The following SLC22A12 variants were observed in gnomAD, a reference collection of about 807,000 sequenced individuals.
SLC22A12 encodes organic anion transporter 4-like protein.
A neutral mutation model predicts 52.7 loss-of-function variants in SLC22A12; 56 were observed. The ratio of observed to expected loss-of-function variants is 1.06; its 90% CI spans 0.86 to 1.33. The LOEUF (loss-of-function observed/expected upper bound fraction) is 1.33. SLC22A12 is among the 40% of genes most tolerant of loss of function. SLC22A12 has a pLI of 0.00. For missense variants in SLC22A12, 683 were observed against 741.5 expected, an observed-to-expected ratio of 0.92 and a Z score of 0.92; for synonymous variants, 337 against 324.6, an observed-to-expected ratio of 1.04 and a Z score of -0.41.
chr11:64,599,764 G>A lies in SLC22A12; in HGVS notation c.1159G>A (p.Val387Ile), dbSNP rs765129956. The stretch of plus-strand genomic sequence containing the variant: ...CTTCCTGCTCCAAATGTTCATTGGT[G>A]TCGTGGACATCCCAGCCAAGATGGG... ...NIFLLQMFIG[V>I]VDIPAKMGAL... Residue 387 changes from valine (V) to isoleucine (I), a missense_variant, in exon 7 of 10, where the codon GTC becomes ATC. Transcript: ENST00000377574. 13 of 1,612,772 alleles carry A rather than the reference G, an allele frequency of 8.1e-6. No homozygotes were observed. Among genetic ancestry groups the A allele is most frequent in the Non-Finnish European group, 1.1e-5 (13 of 1,179,854 alleles).
chr11:64,599,638 C>T, intron 6 of SLC22A12, 38 bp from the exon 7 acceptor site: 1 of 279,748 alleles, frequency 3.6e-6, no homozygotes. Context: ...CCCCCCCACC[C>T]CCCACCCCCA....
At chr11:64,597,622 C>G (rs2039290482) in intron 4 of SLC22A12, among the ~76,000 whole-genome samples, 2 of 152,208 alleles carry the variant, frequency 1.3e-5, no homozygotes, top group African/African-American at 4.8e-5. Flanking sequence ...TCTGCAAATC[C>G]CTAAGGAGCT....
At chr11:64,599,598 C>CCCCCCCATGTTGG in intron 6 of SLC22A12, 78 bp from the exon 7 acceptor site, 1 of 703,030 alleles carries the variant, frequency 1.4e-6, no homozygotes, top group East Asian at 4.4e-5. Context: ...TGAGCCCCCA[C>CCCCCCCATGTTGG]CGCCCATTGT....
chr11:64,592,981 G>A, intron 2 of SLC22A12, 99 bp downstream of exon 2: 1 of 1,126,138 alleles, frequency 8.9e-7, no homozygotes, highest in Non-Finnish European at 1.3e-6. Context: ...ACAAAACCAA[G>A]TCTAGAAAGC....
At chr11:64,596,279 G>GGATGGATGGATGGATGGATGT (rs2039231035) in intron 4 of SLC22A12, among the ~76,000 whole-genome samples, 1 of 148,170 alleles carries the variant, frequency 6.7e-6, no homozygotes, top group African/African-American at 2.5e-5. Flanking sequence ...TGGATGGATG[G>GGATGGATGGATGGATGGATGT]ATGGATGGAT....
At position 64,599,571 on chromosome 11, in the gene SLC22A12, G is replaced by C. The variant is rs556239710; in HGVS notation, c.1071-105G>C. On this transcript the variant is annotated intron_variant, in intron 6 of 9. Coordinates refer to ENST00000377574, the MANE Select transcript of SLC22A12 (RefSeq NM_144585.4). ...GAAGGGCCAGAACACTGAGCTAAGA[G>C]CAGCACACCCCCACCCTGAGCCCCC... The C allele has an allele frequency of 2.9e-4, 226 of 786,854 alleles. No individual in the cohort carries two copies. In the African/African-American group the frequency reaches 3.8e-3, roughly 13 times the overall value. The allele number at this position is 786,854 out of a possible 1,614,324, so 48.7% of individuals were successfully genotyped here.
chr11:64,595,020 TG>T (rs2039071631), intron 4 of SLC22A12, among the ~76,000 whole-genome samples: 1 of 70,988 alleles, frequency 1.4e-5, no homozygotes, highest in South Asian at 5.0e-4. Context: ...GATGGATGGA[TG>T]GTTGGAATAG....
chr11:64,595,329 GGATGGT>G, intron 4 of SLC22A12, among the ~76,000 whole-genome samples: 1 of 131,374 alleles, frequency 7.6e-6, no homozygotes, highest in Non-Finnish European at 1.7e-5. Context: ...ATGGATGGAT[GGATGGT>G]TGAATGGATG....
At chr11:64,596,392 G>T (rs78108754) in intron 4 of SLC22A12, among the ~76,000 whole-genome samples, 16,687 of 151,326 alleles carry the variant, frequency 0.11, 1,436 homozygotes, top group East Asian at 0.34. Context: ...TGGATGGATG[G>T]TTGGATGGAT....
Position 64,602,023 on chromosome 11 carries a change from C to G in SLC22A12, c.*472C>G. 4.0e-6 allele frequency: 1 copy of G among 251,004 alleles called. No individual in the cohort carries two copies. Among genetic ancestry groups the G allele is most frequent in the Non-Finnish European group, 7.9e-6 (1 of 127,220 alleles). 15.5% of individuals were successfully genotyped at this position (251,004 alleles called of 1,614,324 possible). On this transcript the variant is annotated 3_prime_UTR_variant, in exon 10 of 10. Coordinates refer to ENST00000377574, the MANE Select transcript of SLC22A12 (RefSeq NM_144585.4). ...TTACCCAGAAGCCCTGTAAGCCTGG[C>G]CCCTGGCCCCTCCCCATGTCCCTCC...
rs373528077 is a variant in SLC22A12, at chr11:64,601,576, C to T, written c.*25C>T. 30 of 1,612,000 alleles carry T rather than the reference C, an allele frequency of 1.9e-5. No homozygotes were observed. The African/African-American group carries it at 2.0e-4, about 11-fold the overall frequency. ...GCCTCCTGGGGAACCTGCGATGGGA[C>T]GGTCAGAGGAAGAGACTTCTTCTGT... On this transcript the variant is annotated 3_prime_UTR_variant, in exon 10 of 10. Transcript: ENST00000377574.
At position 64,598,854 on chromosome 11, in the gene SLC22A12, C is replaced by T. The variant is rs2039342079; in HGVS notation, c.1001C>T (p.Pro334Leu). 6.2e-7 allele frequency: 1 copy of T among 1,612,730 alleles called. No homozygotes were observed. ...GAGGAGCTGAGCATGGGCCAGCCTC[C>T]TGCCAGCCTGGGCACCCTGCTCCGC... ...MREELSMGQP[P>L]ASLGTLLRMP... Residue 334 changes from proline (P) to leucine (L), a missense_variant, in exon 6 of 10, where the codon CCT (proline) becomes CTT (leucine). Pro to Leu is a moderately conservative substitution (Grantham distance 98, BLOSUM62 -3). Transcript: ENST00000377574.
At chr11:64,596,616 G>A (rs1265385943) in intron 4 of SLC22A12, among the ~76,000 whole-genome samples, 1 of 152,186 alleles carries the variant, frequency 6.6e-6, no homozygotes, top group East Asian at 1.9e-4. Context: ...TAAGAAGAAG[G>A]CTGAGTCCAC....
rs764071306 is a variant in SLC22A12 at position 64,599,884 on chromosome 11, C to T, written c.1279C>T (p.Pro427Ser). Residue 427 changes from proline (P) to serine (S), a missense_variant, in exon 7 of 10, where the codon CCC becomes TCC. Transcript: ENST00000377574. The stretch of plus-strand genomic sequence containing the variant: ...CTGCATTCTGGCCAACACGCTGGTG[C>T]CCCACGGTGAGGGGGCAAAGCTGTA... ...GLCILANTLV[P>S]HEMGALRSAL... The T allele has an allele frequency of 1.9e-6, 3 of 1,611,920 alleles. No individual in the cohort carries two copies. Among genetic ancestry groups the T allele is most frequent in the Admixed American group, 1.7e-5 (1 of 59,952 alleles).
chr11:64,593,339 T>C (rs2038981923), intron 2 of SLC22A12, 66 bp from the exon 3 acceptor site: 1 of 1,609,148 alleles, frequency 6.2e-7, no homozygotes, highest in Non-Finnish European at 8.5e-7. Flanking sequence ...CTCTAGGTGT[T>C]CCAGAGCCCC....
At chr11:64,599,042 C>T in intron 6 of SLC22A12, 119 bp downstream of exon 6, 2 of 1,394,414 alleles carry the variant, frequency 1.4e-6, no homozygotes, top group East Asian at 2.5e-5. Context: ...AACACCGACA[C>T]CTTCCCCTCT....
chr11:64,600,411 G>C lies in SLC22A12; in HGVS notation c.1330G>C (p.Gly444Arg). Residue 444 changes from glycine (G) to arginine (R), a missense_variant, in exon 8 of 10, where the codon GGG becomes CGG. Coordinates refer to ENST00000377574, the MANE Select transcript of SLC22A12 (RefSeq NM_144585.4). ...RSALAVLGLG[G>R]VGAAFTCITI... is the part of the protein sequence containing the mutation. ...AGCCTTGGCCGTGCTGGGGCTGGGC[G>C]GGGTGGGGGCTGCCTTCACCTGCAT... is the stretch of plus-strand genomic sequence containing the variant. The C allele has an allele frequency of 1.2e-6, 2 of 1,607,888 alleles. No individual in the cohort carries two copies. The highest frequency in any genetic ancestry group is 1.7e-6 in the Non-Finnish European group (2 of 1,179,228).
chr11:64,595,347 TTGAATGGATGGATGGA>T, intron 4 of SLC22A12, among the ~76,000 whole-genome samples: 1 of 20,796 alleles, frequency 4.8e-5, no homozygotes, highest in African/African-American at 1.7e-4. Context: ...GAATGGATGG[TTGAATGGATGGATGGA>T]TGGATGGATG....
intron 1 of SLC22A12, among the ~76,000 whole-genome samples, 194 bp downstream of exon 1, chr11:64,592,152 G>T (rs1377114071): frequency 1.3e-5 from 2 of 152,162 alleles, no homozygotes; most frequent in Non-Finnish European, 2.9e-5. Flanking sequence ...AATGGGGCCA[G>T]CCCAGGCTCT....
Sources: allele counts gnomAD v4.1 joint callset (sites outside exome capture counted in the v4.1 genomes callset), GRCh38; gene constraint gnomAD v4.1.1; transcripts MANE v1.5; gene names NCBI Gene and HGNC (gene_info 2026-07-23, HGNC 2026-07-21).